The following BARD1 variants were observed in gnomAD, a reference collection of about 807,000 sequenced individuals.
The protein encoded by BARD1 is BRCA1 associated RING domain 1.
BARD1 carries 73 observed loss-of-function variants against 77.0 expected under a neutral mutation model. The observed-to-expected ratio is 0.95, with a 90% CI of 0.79 to 1.15. The LOEUF is 1.15. Among genes scored for constraint, BARD1 ranks in the 50% most tolerant of loss-of-function variants. BARD1 has a pLI of 0.00. For missense variants in BARD1, 993 were observed against 938.8 expected, an observed-to-expected ratio of 1.06 and a Z score of -0.75; for synonymous variants, 384 against 338.0, an observed-to-expected ratio of 1.14 and a Z score of -1.49.
intron 3 of BARD1, among the ~76,000 whole-genome samples, chr2:214,790,702 CA>C (rs1418002079): frequency 6.6e-6 from 1 of 152,104 alleles, no homozygotes; most frequent in Non-Finnish European, 1.5e-5. Context: ...TCATCATAGC[CA>C]CAAATCCCAA....
intron 1 of BARD1, among the ~76,000 whole-genome samples, chr2:214,799,733 C>T (rs1382785278): frequency 1.3e-5 from 2 of 152,100 alleles, no homozygotes; most frequent in African/African-American, 2.4e-5. Context: ...TTTGATCATA[C>T]CTCCCATTCT....
chr2:214,781,372 C>T lies in BARD1; in HGVS notation c.502G>A (p.Ala168Thr), dbSNP rs761647593. The T allele has an allele frequency of 1.9e-6, 3 of 1,613,408 alleles. No homozygotes were observed. Among genetic ancestry groups the T allele is most frequent in the South Asian group, 2.2e-5 (2 of 91,010 alleles). The stretch of plus-strand genomic sequence containing the variant: ...TGAGCACTTGCATCTTTTTTTATTG[C>T]AGGCTGGGTTTGCACTGAAGCTTTA... ...VSKASVQTQP[A>T]IKKDASAQQD... The change falls in exon 4 of 11, where the codon GCA becomes ACA. Residue 168 changes from alanine to threonine, a missense_variant. Transcript: ENST00000260947.
At chr2:214,793,951 A>G (rs1695642116) in intron 2 of BARD1, among the ~76,000 whole-genome samples, 1 of 152,168 alleles carries the variant, frequency 6.6e-6, no homozygotes, top group South Asian at 2.1e-4. Context: ...TGATGAACCT[A>G]AAGAAAACAG....
intron 3 of BARD1, 50 bp downstream of exon 3, chr2:214,792,247 T>C: frequency 1.3e-6 from 2 of 1,548,106 alleles, no homozygotes; most frequent in Non-Finnish European, 1.8e-6. Context: ...TATGAATTCA[T>C]CAGTTTTTAA....
chr2:214,767,790 CTA>C (rs1694286731), intron 5 of BARD1, 136 bp from the exon 6 acceptor site: 3 of 757,496 alleles, frequency 4.0e-6, no homozygotes, highest in Non-Finnish European at 2.1e-6. Context: ...CTCAAAAACA[CTA>C]TAAGTTGCTG....
chr2:214,744,997 A>G, intron 9 of BARD1, 70 bp downstream of exon 9: 1 of 1,270,406 alleles, frequency 7.9e-7, no homozygotes, highest in South Asian at 1.2e-5. Flanking sequence ...CCTTAATCAC[A>G]GGCATTAATA....
At chr2:214,766,607 G>T (rs900341103) in intron 6 of BARD1, among the ~76,000 whole-genome samples, 4 of 133,394 alleles carry the variant, frequency 3.0e-5, no homozygotes, top group East Asian at 2.2e-4. Flanking sequence ...ATGGGGAATT[G>T]GTTCCTCAAC....
chr2:214,729,115 G>A, intron 10 of BARD1, 107 bp from the exon 11 acceptor site: 1 of 1,289,538 alleles, frequency 7.8e-7, no homozygotes, highest in Non-Finnish European at 1.1e-6. Flanking sequence ...TCCCTTACCT[G>A]AAACATTTGG....
chr2:214,752,664 C>T (rs949909830), intron 6 of BARD1, 109 bp from the exon 7 acceptor site: 3 of 808,858 alleles, frequency 3.7e-6, no homozygotes, highest in Non-Finnish European at 6.3e-6. Context: ...TTACTCAGAA[C>T]TCATATTAGG....
At chr2:214,772,354 T>C (rs927262261) in intron 4 of BARD1, among the ~76,000 whole-genome samples, 2 of 152,124 alleles carry the variant, frequency 1.3e-5, no homozygotes, top group Non-Finnish European at 2.9e-5. Flanking sequence ...GCAGATAAAC[T>C]GCCAGAACCA....
chr2:214,779,525 A>T (rs748593326), intron 4 of BARD1, among the ~76,000 whole-genome samples: 4 of 152,232 alleles, frequency 2.6e-5, no homozygotes, highest in Non-Finnish European at 5.9e-5. Flanking sequence ...CTGGAAGAAA[A>T]GCAAGGAAAA....
In BARD1 at chr2:214,793,270, C is replaced by A. The variant is rs1269800503; in HGVS notation, c.216-825G>T. Among the ~76,000 whole-genome samples the A allele has an allele frequency of 2.6e-5, 4 of 152,164 alleles. No individual in the cohort carries two copies. In the East Asian group the frequency reaches 7.7e-4, roughly 29 times the overall value. On this transcript the variant is annotated intron_variant, in intron 2 of 10. Transcript: ENST00000260947. ...TTACTCAATATGAACTATCCTCAAA[C>A]AAAACCTATGCCATTTCTAATTCTT...
At chr2:214,791,751 T>C (rs1265909547) in intron 3 of BARD1, among the ~76,000 whole-genome samples, 1 of 152,200 alleles carries the variant, frequency 6.6e-6, no homozygotes, top group African/African-American at 2.4e-5. Flanking sequence ...CTTGGGAAAG[T>C]GTATTTAAGT....
chr2:214,739,256 T>C (rs751884194), intron 9 of BARD1, among the ~76,000 whole-genome samples: 7 of 151,568 alleles, frequency 4.6e-5, no homozygotes, highest in Admixed American at 1.3e-4. Flanking sequence ...AAAAAAAAAA[T>C]TAAAATACAG....
intron 9 of BARD1, chr2:214,731,041 C>A (rs6435849): frequency 2.9e-6 from 1 of 341,042 alleles, no homozygotes; most frequent in Non-Finnish European, 6.0e-6. Context: ...AACAGCGCTT[C>A]CTAAAATAAA....
rs1695563204 is a variant in BARD1, at chr2:214,792,391, G to A, written c.270C>T (p.Ala90=). The A allele has an allele frequency of 1.2e-6, 2 of 1,612,214 alleles. No individual in the cohort carries two copies. Among genetic ancestry groups the A allele is most frequent in the Admixed American group, 1.7e-5 (1 of 59,760 alleles). ...TATTTATCTTCAAGTCTTGTATCCA[G>A]GCCGGGGTGTAACACACTGGACATC... The part of the protein sequence containing the change: ...GTGCPVCYTP[A]WIQDLKINRQ... Residue 90 remains alanine, a synonymous_variant, in exon 3 of 11, where the codon GCC becomes GCT. Transcript: ENST00000260947.
intron 6 of BARD1, among the ~76,000 whole-genome samples, chr2:214,760,091 C>G (rs1693883354): frequency 6.6e-6 from 1 of 152,182 alleles, no homozygotes; most frequent in Non-Finnish European, 1.5e-5. Flanking sequence ...ACAAAAAAAG[C>G]TCTCAGTTAT....
chr2:214,771,831 T>G (rs749227572), intron 4 of BARD1, among the ~76,000 whole-genome samples: 2 of 149,956 alleles, frequency 1.3e-5, no homozygotes, highest in Non-Finnish European at 2.9e-5. Flanking sequence ...TCATGCAACA[T>G]ACATTTTTAT....
At chr2:214,771,924 GAA>G (rs10602414) in intron 4 of BARD1, among the ~76,000 whole-genome samples, 57 of 107,116 alleles carry the variant, frequency 5.3e-4, no homozygotes, top group Middle Eastern at 4.9e-3. Flanking sequence ...CCAGTTTCAG[GAA>G]AAAAAAAAAA....
Sources: gnomAD v4.1 joint callset for allele counts (sites outside exome capture counted in the v4.1 genomes callset) on GRCh38, gnomAD v4.1.1 for gene constraint, MANE v1.5 for transcripts, NCBI Gene and HGNC (gene_info 2026-07-23, HGNC 2026-07-21) for gene names.